The following SPAG16 variants were observed in gnomAD, a reference collection of about 807,000 sequenced individuals.
SPAG16 encodes the protein sperm associated antigen 16.
In SPAG16, 86 loss-of-function variants were observed where a neutral mutation model predicts 80.4. The observed-to-expected ratio is 1.07, with a 90% CI of 0.90 to 1.28. The LOEUF is 1.28. SPAG16 is among the 50% of genes most tolerant of loss of function. The pLI, the probability that SPAG16 is intolerant of heterozygous loss-of-function variation, is 0.00. For synonymous variants in SPAG16, 294 were observed against 265.9 expected, an observed-to-expected ratio of 1.11 and a Z score of -1.03; for missense variants, 870 against 765.3, an observed-to-expected ratio of 1.14 and a Z score of -1.61.
intron 10 of SPAG16, among the ~76,000 whole-genome samples, chr2:213,693,590 A>G (rs1354610378): frequency 6.6e-6 from 1 of 152,210 alleles, no homozygotes; most frequent in African/African-American, 2.4e-5. Flanking sequence ...GCAGATTTCA[A>G]CCTAACATTA....
Position 213,303,586 on chromosome 2 carries a change from A to G in SPAG16, c.279+6229A>G, listed in dbSNP as rs566979922. Among the ~76,000 whole-genome samples the G allele has an allele frequency of 5.3e-5, 8 of 152,010 alleles. No homozygotes were observed. The South Asian group carries it at 1.0e-3, about 20-fold the overall frequency. ...TCTAGACTCTGCCTTCGTGAGTTCA[A>G]TTGTTTTACTTTCTAGCCCCCACAA... is the stretch of plus-strand genomic sequence containing the variant. On this transcript the variant is annotated intron_variant, in intron 3 of 15. Coordinates refer to ENST00000331683, the MANE Select transcript of SPAG16 (RefSeq NM_024532.5).
chr2:214,137,243 CAT>C (rs567431543), intron 14 of SPAG16, among the ~76,000 whole-genome samples: 130 of 152,046 alleles, frequency 8.6e-4, no homozygotes, highest in Non-Finnish European at 1.8e-3. Context: ...ATACATACAA[CAT>C]AGACAATTTT....
chr2:213,704,973 C>G (rs2065671431), intron 10 of SPAG16, among the ~76,000 whole-genome samples: 1 of 152,168 alleles, frequency 6.6e-6, no homozygotes, highest in Non-Finnish European at 1.5e-5. Context: ...ATTAAATAGG[C>G]TAGGCGCATG....
At chr2:214,172,036 T>C (rs2056887193) in intron 15 of SPAG16, among the ~76,000 whole-genome samples, 1 of 151,906 alleles carries the variant, frequency 6.6e-6, no homozygotes, top group Non-Finnish European at 1.5e-5. Context: ...TAACATAGAA[T>C]TGCATCTCAT....
intron 15 of SPAG16, among the ~76,000 whole-genome samples, chr2:214,217,779 G>T (rs879462370): frequency 1.3e-5 from 2 of 152,214 alleles, no homozygotes; most frequent in Non-Finnish European, 2.9e-5. Flanking sequence ...GAAGGAAACG[G>T]TAATGCCTGG....
chr2:214,259,343 G>GA (rs904368908), intron 15 of SPAG16, among the ~76,000 whole-genome samples: 9 of 146,594 alleles, frequency 6.1e-5, no homozygotes, highest in African/African-American at 1.5e-4. Context: ...TATTTGGGCA[G>GA]AAAAAAAATA....
chr2:214,031,628 G>GAAAAAAA (rs34664637), intron 13 of SPAG16, among the ~76,000 whole-genome samples: 1 of 140,572 alleles, frequency 7.1e-6, no homozygotes, highest in African/African-American at 2.6e-5. Flanking sequence ...AAATAAACAT[G>GAAAAAAA]AAAAAAAAAA....
chr2:213,385,514 C>A (rs930302391), intron 9 of SPAG16, among the ~76,000 whole-genome samples: 18 of 152,078 alleles, frequency 1.2e-4, no homozygotes, highest in Admixed American at 6.6e-4. Flanking sequence ...GGAAGTAGTT[C>A]TTTTCATCTT....
intron 11 of SPAG16, among the ~76,000 whole-genome samples, chr2:213,892,516 G>T (rs1310693060): frequency 6.6e-6 from 1 of 152,006 alleles, no homozygotes; most frequent in Non-Finnish European, 1.5e-5. Context: ...CTCTGACAAA[G>T]AATTCAAAAT....
At chr2:214,272,314 A>G (rs1023347740) in intron 15 of SPAG16, among the ~76,000 whole-genome samples, 1 of 151,692 alleles carries the variant, frequency 6.6e-6, no homozygotes, top group East Asian at 1.9e-4. Flanking sequence ...TTTTTATTAT[A>G]CTTTAAGTTC....
intron 15 of SPAG16, among the ~76,000 whole-genome samples, chr2:214,182,316 T>C (rs940049218): frequency 3.3e-5 from 5 of 151,810 alleles, no homozygotes; most frequent in African/African-American, 1.2e-4. Flanking sequence ...ATTTTAAAAC[T>C]AAATATACCA....
At chr2:214,036,969 C>T (rs952454794) in intron 13 of SPAG16, among the ~76,000 whole-genome samples, 3 of 151,870 alleles carry the variant, frequency 2.0e-5, no homozygotes, top group Non-Finnish European at 2.9e-5. Context: ...TTTTTTGTGT[C>T]TGTGAAATAC....
At chr2:214,034,706 G>T (rs1272920388) in intron 13 of SPAG16, among the ~76,000 whole-genome samples, 2 of 152,182 alleles carry the variant, frequency 1.3e-5, no homozygotes, top group Non-Finnish European at 2.9e-5. Flanking sequence ...CTGGCACCAG[G>T]GAATGCTGCA....
intron 10 of SPAG16, among the ~76,000 whole-genome samples, chr2:213,755,126 C>T (rs995680309): frequency 1.3e-5 from 2 of 152,108 alleles, no homozygotes; most frequent in African/African-American, 4.8e-5. Flanking sequence ...TGACATGTTA[C>T]TGGCAAGAAT....
chr2:214,280,633 G>A, intron 15 of SPAG16: 1 of 256,982 alleles, frequency 3.9e-6, no homozygotes, highest in Non-Finnish European at 7.8e-6. Flanking sequence ...AAACTATTTG[G>A]TTTAGCTCTC....
intron 9 of SPAG16, among the ~76,000 whole-genome samples, chr2:213,395,469 C>G (rs1222061645): frequency 2.6e-5 from 4 of 152,102 alleles, no homozygotes; most frequent in Non-Finnish European, 5.9e-5. Context: ...AAGTCTTCCT[C>G]TTTGACGTAT....
At chr2:214,367,187 A>G (rs1490337467) in intron 15 of SPAG16, among the ~76,000 whole-genome samples, 1 of 152,186 alleles carries the variant, frequency 6.6e-6, no homozygotes, top group Non-Finnish European at 1.5e-5. Context: ...AAAGGTTAAG[A>G]GTGATGAAAA....
chr2:213,909,799 G>A (rs2077584212), intron 11 of SPAG16, among the ~76,000 whole-genome samples: 1 of 152,092 alleles, frequency 6.6e-6, no homozygotes, highest in South Asian at 2.1e-4. Flanking sequence ...TTTACTTTGT[G>A]CGAGTGCCCT....
intron 10 of SPAG16, among the ~76,000 whole-genome samples, chr2:213,825,505 T>C (rs1019572377): frequency 2.6e-5 from 4 of 152,102 alleles, no homozygotes; most frequent in African/African-American, 9.7e-5. Context: ...TCCTTCATTC[T>C]GTTGGTAAAA....
Sources: allele counts gnomAD v4.1 joint callset (sites outside exome capture counted in the v4.1 genomes callset), GRCh38; gene constraint gnomAD v4.1.1; transcripts MANE v1.5; gene names NCBI Gene and HGNC (gene_info 2026-07-23, HGNC 2026-07-21).